CDK8: variants seen among roughly 807,000 people sequenced by gnomAD.
CDK8 encodes cyclin-dependent kinase 8.
Under a neutral mutation model 71.5 loss-of-function variants are expected in CDK8, and 29 were observed. That is an observed-to-expected ratio of 0.41 (90% CI 0.30 to 0.55). The LOEUF (loss-of-function observed/expected upper bound fraction) is 0.55. CDK8 is among the 20% of genes least tolerant of loss of function. The pLI is 0.37. For synonymous variants in CDK8, 161 were observed against 192.1 expected (o/e 0.84, Z 1.34); for missense variants, 288 against 572.6 (o/e 0.50, Z 5.07).
At chr13:26,357,432 T>C (rs1307937641) in intron 4 of CDK8, among the ~76,000 whole-genome samples, 1 of 152,246 alleles carries the variant, frequency 6.6e-6, no homozygotes, top group African/African-American at 2.4e-5. Flanking sequence ...CTTATACACT[T>C]GTCTGTGTCC....
chr13:26,264,141 G>A (rs1384310739), intron 1 of CDK8, among the ~76,000 whole-genome samples: 1 of 152,204 alleles, frequency 6.6e-6, no homozygotes, highest in East Asian at 1.9e-4. Context: ...GAAAATGTCA[G>A]ACAGAAAGCA....
At chr13:26,367,157 C>T (rs952304279) in intron 4 of CDK8, among the ~76,000 whole-genome samples, 3 of 152,038 alleles carry the variant, frequency 2.0e-5, no homozygotes, top group Non-Finnish European at 1.5e-5. Flanking sequence ...TCTTTTTTCC[C>T]CCCTTCTGGT....
chr13:26,388,785 G>A (rs1875600004), intron 6 of CDK8, among the ~76,000 whole-genome samples: 1 of 152,140 alleles, frequency 6.6e-6, no homozygotes, highest in Non-Finnish European at 1.5e-5. Flanking sequence ...CAGCACTTAG[G>A]GAGCTAGATT....
intron 9 of CDK8, among the ~76,000 whole-genome samples, chr13:26,397,502 G>A (rs970825917): frequency 1.3e-5 from 2 of 151,888 alleles, no homozygotes; most frequent in Non-Finnish European, 2.9e-5. Context: ...AAAATTACAT[G>A]TATTGTTTTT....
intron 1 of CDK8, among the ~76,000 whole-genome samples, chr13:26,274,719 C>T (rs1872498612): frequency 6.6e-6 from 1 of 152,132 alleles, no homozygotes; most frequent in Non-Finnish European, 1.5e-5. Flanking sequence ...GTGTGAGCCA[C>T]CGCGTCTGGC....
intron 7 of CDK8, 60 bp downstream of exon 7, chr13:26,393,570 T>C: frequency 2.6e-6 from 4 of 1,557,362 alleles, no homozygotes; most frequent in Non-Finnish European, 3.5e-6. Flanking sequence ...CTTAGATGTC[T>C]TCGTTGGAGA....
chr13:26,281,802 G>A (rs566884344), intron 1 of CDK8, among the ~76,000 whole-genome samples: 7 of 151,860 alleles, frequency 4.6e-5, no homozygotes, highest in East Asian at 1.9e-4. Flanking sequence ...AGTAAATATC[G>A]TAGAGATAAT....
intron 1 of CDK8, among the ~76,000 whole-genome samples, chr13:26,262,775 C>T (rs904411723): frequency 2.0e-5 from 3 of 152,184 alleles, no homozygotes; most frequent in Admixed American, 6.5e-5. Flanking sequence ...TTAATTTTGC[C>T]TAAAATCACT....
intron 4 of CDK8, among the ~76,000 whole-genome samples, chr13:26,382,039 C>A (rs898507256): frequency 1.3e-5 from 2 of 152,112 alleles, no homozygotes; most frequent in Admixed American, 1.3e-4. Context: ...AAGGAGTAAA[C>A]CAGTTGCCTT....
At chr13:26,294,215 T>G (rs1037338483) in intron 1 of CDK8, among the ~76,000 whole-genome samples, 1 of 151,944 alleles carries the variant, frequency 6.6e-6, no homozygotes, top group Non-Finnish European at 1.5e-5. Context: ...CACTGCAGCC[T>G]CAGACTCCTG....
chr13:26,291,011 C>T (rs1175692), intron 1 of CDK8, among the ~76,000 whole-genome samples: 125,820 of 151,426 alleles, frequency 0.83, 53,898 homozygotes, highest in East Asian at 1. Flanking sequence ...CCCAGCTATT[C>T]GGGTGGTTGA....
chr13:26,254,546 C>T lies in CDK8; in HGVS notation c.-96C>T. ...CTGCGGCCGGCGGGCGTAGAGCGGG[C>T]GGGTTCCCGGGGGCTGCGGCTGCCC... On this transcript the variant is annotated 5_prime_UTR_variant, in exon 1 of 13. Coordinates refer to ENST00000381527, the MANE Select transcript of CDK8 (RefSeq NM_001260.3). The surrounding 1 kb of genome is among the most constrained non-coding windows in gnomAD (Gnocchi z 6.7). The T allele has an allele frequency of 3.7e-6, 4 of 1,066,978 alleles. No individual in the cohort carries two copies. Among genetic ancestry groups the T allele is most frequent in the Non-Finnish European group, 5.3e-6 (4 of 750,320 alleles). The allele number at this position is 1,066,978 out of a possible 1,614,324, so 66.1% of individuals were successfully genotyped here.
chr13:26,400,427 C>T, intron 9 of CDK8, 26 bp from the exon 10 acceptor site: 1 of 1,398,856 alleles, frequency 7.1e-7, no homozygotes, highest in Non-Finnish European at 1.0e-6. Context: ...GCAATACCGT[C>T]ATGTTTGTAT....
intron 6 of CDK8, among the ~76,000 whole-genome samples, chr13:26,388,578 T>C (rs1301434727): frequency 6.6e-6 from 1 of 152,210 alleles, no homozygotes; most frequent in Non-Finnish European, 1.5e-5. Flanking sequence ...ACCTGAGACT[T>C]GAATTTATTT....
At chr13:26,257,894 T>TTGTGTGTG (rs34745022) in intron 1 of CDK8, among the ~76,000 whole-genome samples, 2 of 148,620 alleles carry the variant, frequency 1.3e-5, no homozygotes, top group African/African-American at 2.6e-5. Context: ...GAGTGTGTGT[T>TTGTGTGTG]TGTGTGTGTG....
In CDK8 at chr13:26,399,975, A is replaced by G. The variant is rs1371479880; in HGVS notation, c.934-478A>G. 6 of 196,988 alleles carry G rather than the reference A, an allele frequency of 3.0e-5. No individual in the cohort carries two copies. The East Asian group carries it at 8.8e-4, about 29-fold the overall frequency. 12.2% of individuals were successfully genotyped at this position (196,988 alleles called of 1,614,324 possible). A position where few individuals can be genotyped will look rare whatever the true frequency, so the allele number is the denominator to read the frequency against. On this transcript the variant is annotated intron_variant, in intron 9 of 12. Coordinates refer to ENST00000381527, the MANE Select transcript of CDK8 (RefSeq NM_001260.3). ...TCTGTGATGATCTGCACAGTGCAGT[A>G]GCGTAGCCACTAGCCACATTTGGCT...
chr13:26,304,976 A>G (rs1873982138), intron 1 of CDK8, among the ~76,000 whole-genome samples: 1 of 152,132 alleles, frequency 6.6e-6, no homozygotes, highest in African/African-American at 2.4e-5. Flanking sequence ...CCTGACGATT[A>G]TATTTTAATT....
Position 26,401,283 on chromosome 13 carries a change from G to A in CDK8, c.1046G>A (p.Cys349Tyr). 1 of 1,613,868 alleles carries A rather than the reference G, an allele frequency of 6.2e-7. No individual in the cohort carries two copies. Among genetic ancestry groups the A allele is most frequent in the Non-Finnish European group, 8.5e-7 (1 of 1,179,858 alleles). Residue 349 changes from cysteine to tyrosine, a missense_variant, in exon 11 of 13, where the codon TGT (cysteine) becomes TAT (tyrosine). Around this residue, in one of 6 missense-constraint regions of CDK8, gnomAD observed 96 missense variants for 229.8 expected, o/e 0.42. Coordinates refer to ENST00000381527, the MANE Select transcript of CDK8 (RefSeq NM_001260.3). This position sits in a 1 kb window ranked among gnomAD's most constrained non-coding sequence, Gnocchi z 4.5. The part of the protein sequence containing the change: ...PLPTSDVFAG[C>Y]QIPYPKREFL... Reference sequence around the variant, plus strand: ...CTTATGATCAGCGTTTTTGCCGGTTGTCAAATCCCTTACCCAAAACGAGAA... The same window carrying A: ...CTTATGATCAGCGTTTTTGCCGGTTATCAAATCCCTTACCCAAAACGAGAA...
chr13:26,337,625 G>A lies in CDK8; in HGVS notation c.187G>A (p.Ala63Thr). The A allele has an allele frequency of 6.9e-7, 1 of 1,439,970 alleles. No homozygotes were observed. The highest frequency in any genetic ancestry group is 9.2e-7 in the Non-Finnish European group (1 of 1,092,618). The allele number at this position is 1,439,970 out of a possible 1,614,324, so 89.2% of individuals were successfully genotyped here. A position where few individuals can be genotyped will look rare whatever the true frequency, so the allele number is the denominator to read the frequency against. ...AGAAGGAACTGGGATCTCTATGTCG[G>A]CATGTAGAGAAATAGCAGTAAGTGA... ...QIEGTGISMSACREIALLREL... is the reference protein window; with the variant it reads ...QIEGTGISMSTCREIALLREL... Residue 63 changes from alanine (A) to threonine (T), a missense_variant, in exon 2 of 13, where the codon GCA becomes ACA. This residue lies in a region of CDK8 where 95 missense variants were observed against 177.3 expected (regional missense o/e 0.54). Coordinates refer to ENST00000381527, the MANE Select transcript of CDK8 (RefSeq NM_001260.3).
Sources: allele counts gnomAD v4.1 joint callset (sites outside exome capture counted in the v4.1 genomes callset), GRCh38; gene constraint gnomAD v4.1.1; regional missense constraint gnomAD v4.1.1; non-coding constraint Gnocchi (gnomAD v3.1); transcripts MANE v1.5; gene names NCBI Gene and HGNC (gene_info 2026-07-23, HGNC 2026-07-21).